Variants in INSL6 observed in about 807,000 individuals in gnomAD.
The protein encoded by INSL6 is insulin like 6.
Under a neutral mutation model 9.4 loss-of-function variants are expected in INSL6, and 16 were observed. The ratio of observed to expected loss-of-function variants is 1.70; its 90% confidence interval spans 1.15 to 2.59. The LOEUF is 2.59. Among genes scored for constraint, INSL6 ranks in the 30% most tolerant of loss-of-function variants. The pLI, the probability that INSL6 is intolerant of heterozygous loss-of-function variation, is 0.00. For synonymous variants in INSL6, 154 were observed against 96.9 expected, an observed-to-expected ratio of 1.59 and a Z score of -3.46; for missense variants, 391 against 257.3, an observed-to-expected ratio of 1.52 and a Z score of -3.56.
the INSL6 span, among the ~76,000 whole-genome samples, chr9:5,115,983 C>G: frequency 1.3e-5 from 2 of 152,004 alleles, no homozygotes; most frequent in Non-Finnish European, 2.9e-5. Context: ...GTGCAGCAAA[C>G]CACCATGACA....
chr9:5,012,667 A>G, the INSL6 span, among the ~76,000 whole-genome samples: 1 of 152,220 alleles, frequency 6.6e-6, no homozygotes, highest in Non-Finnish European at 1.5e-5. Context: ...TAAGATTTGT[A>G]TCTCAGGATT....
chr9:5,054,413 T>TG, the INSL6 span: 1 of 595,718 alleles, frequency 1.7e-6, no homozygotes, highest in Non-Finnish European at 3.0e-6. The surrounding 1 kb of genome is among the most constrained non-coding windows in gnomAD (Gnocchi z 4.9). Flanking sequence ...ACTGTATGGA[T>TG]GGGGGTTATG....
the INSL6 span, among the ~76,000 whole-genome samples, chr9:5,016,503 A>C: frequency 6.6e-6 from 1 of 152,238 alleles, no homozygotes; most frequent in Non-Finnish European, 1.5e-5. Context: ...ATAGTCAACA[A>C]AATTAAAAAT....
intron 1 of INSL6, among the ~76,000 whole-genome samples, chr9:5,184,166 C>G (rs2130925302): frequency 6.6e-6 from 1 of 152,286 alleles, no homozygotes; most frequent in African/African-American, 2.4e-5. Flanking sequence ...TCCAAAAAAG[C>G]TAATGAGTGC....
At chr9:5,085,344 AT>A in the INSL6 span, 8 of 888,482 alleles carry the variant, frequency 9.0e-6, no homozygotes, top group African/African-American at 3.3e-5. Flanking sequence ...CTATTCCTAC[AT>A]TTTTTCCGTA....
chr9:5,037,969 T>C, the INSL6 span, among the ~76,000 whole-genome samples: 1 of 152,228 alleles, frequency 6.6e-6, no homozygotes, highest in African/African-American at 2.4e-5. Context: ...TAACAATTAC[T>C]TAATGTACAT....
chr9:5,042,526 A>C, the INSL6 span, among the ~76,000 whole-genome samples: 1 of 152,192 alleles, frequency 6.6e-6, no homozygotes, highest in African/African-American at 2.4e-5. Context: ...AAAAAAAGAA[A>C]GGCCCCCTCC....
the INSL6 span, among the ~76,000 whole-genome samples, chr9:5,069,399 T>C: frequency 6.6e-6 from 1 of 152,162 alleles, no homozygotes; most frequent in Non-Finnish European, 1.5e-5. Context: ...TAGAAGTGAC[T>C]TGAAGTTCAA....
chr9:5,162,367 A>G (rs1039875232), downstream of INSL6, among the ~76,000 whole-genome samples: 3 of 152,228 alleles, frequency 2.0e-5, no homozygotes, highest in Non-Finnish European at 4.4e-5. Context: ...CTAACATACA[A>G]ATTATTAAAA....
the INSL6 span, among the ~76,000 whole-genome samples, chr9:5,033,862 A>G: frequency 8.5e-5 from 13 of 152,212 alleles, no homozygotes; most frequent in Non-Finnish European, 1.5e-4. Context: ...GTAACGTCAT[A>G]AAGACCGGAT....
the INSL6 span, chr9:5,089,669 T>C: frequency 1.5e-6 from 2 of 1,337,764 alleles, no homozygotes; most frequent in Admixed American, 2.9e-5. Flanking sequence ...TGATGTGTCA[T>C]TTAGGGTAAT....
chr9:5,078,280 A>G, the INSL6 span: 1 of 1,599,314 alleles, frequency 6.3e-7, no homozygotes, highest in African/African-American at 1.3e-5. Context: ...CTGATATTTG[A>G]ATATATGTGC....
intron 2 of INSL6, among the ~76,000 whole-genome samples, chr9:5,139,292 G>A (rs940078166): frequency 6.6e-6 from 1 of 152,000 alleles, no homozygotes; most frequent in Non-Finnish European, 1.5e-5. Flanking sequence ...CAGTTTAGTG[G>A]CCATTTGTTC....
At chr9:5,127,968 G>T (rs1824106885) in intron 3 of INSL6, 1 of 231,364 alleles carries the variant, frequency 4.3e-6, no homozygotes, top group Admixed American at 5.7e-5. Flanking sequence ...TAAGAAAAAT[G>T]AGCATACATC....
chr9:5,106,994 A>G, the INSL6 span, among the ~76,000 whole-genome samples: 33 of 152,324 alleles, frequency 2.2e-4, no homozygotes, highest in Middle Eastern at 6.8e-3. Context: ...ACAAACCTGC[A>G]CATTGTGCAC....
chr9:5,013,540 C>A, the INSL6 span, among the ~76,000 whole-genome samples: 3 of 152,294 alleles, frequency 2.0e-5, no homozygotes, highest in South Asian at 6.2e-4. Context: ...CTGAACCTTC[C>A]AATCCAGCCA....
chr9:5,015,586 G>A, the INSL6 span, among the ~76,000 whole-genome samples: 132 of 149,682 alleles, frequency 8.8e-4, no homozygotes, highest in African/African-American at 3.1e-3. Flanking sequence ...TCAGGTTGGA[G>A]TGCAGTGGCA....
chr9:5,051,668 C>T, the INSL6 span, among the ~76,000 whole-genome samples: 4 of 152,068 alleles, frequency 2.6e-5, no homozygotes, highest in Non-Finnish European at 5.9e-5. Context: ...AGTTTGAAGG[C>T]AAATATGTAT....
At chr9:5,089,629 C>A in the INSL6 span, 1 of 936,242 alleles carries the variant, frequency 1.1e-6, no homozygotes, top group Non-Finnish European at 1.5e-6. Context: ...TTGTAATTTG[C>A]CTTGAAAACT....
Sources: gnomAD v4.1 joint callset for allele counts (sites outside exome capture counted in the v4.1 genomes callset) on GRCh38, gnomAD v4.1.1 for gene constraint, Gnocchi (gnomAD v3.1) non-coding constraint, MANE v1.5 for transcripts, NCBI Gene and HGNC (gene_info 2026-07-23, HGNC 2026-07-21) for gene names.